RAB20: variants seen among roughly 807,000 people sequenced by gnomAD.
RAB20 encodes the protein ras-related protein Rab-20.
In RAB20, 2 loss-of-function variants were observed where a neutral mutation model predicts 3.7. The observed-to-expected ratio is 0.54, with a 90% CI of 0.22 to 1.69. The LOEUF is 1.69. Ranked by LOEUF, RAB20 falls within the 40% of genes most tolerant of loss-of-function variation. The probability of loss-of-function intolerance (pLI) is 0.19; values close to 1 mark genes in which losing one functional copy is unlikely to be tolerated. For synonymous variants in RAB20, 126 were observed against 130.8 expected, an observed-to-expected ratio of 0.96 and a Z score of 0.25; for missense variants, 276 against 311.9, an observed-to-expected ratio of 0.88 and a Z score of 0.87.
Position 110,538,597 on chromosome 13 carries a change from CAAAAAAAAA to C in RAB20, c.173-14409_173-14401del, listed in dbSNP as rs67409356. Among the ~76,000 whole-genome samples the C allele has an allele frequency of 4.2e-5, 3 of 70,730 alleles. No individual in the cohort carries two copies. In the East Asian group the frequency reaches 1.1e-3, roughly 27 times the overall value. 46.4% of individuals were successfully genotyped at this position (70,730 alleles called of 152,430 possible). A position where few individuals can be genotyped will look rare whatever the true frequency, so the allele number is the denominator to read the frequency against. On this transcript the variant is annotated intron_variant, in intron 1 of 1. Coordinates refer to ENST00000267328, the MANE Select transcript of RAB20 (RefSeq NM_017817.3). ...CTCCAGCCTGGGTGAGATCTTCTCT[CAAAAAAAAA>C]AAAAAAAAAAAAGAAAGAAAAGAAA... is the stretch of plus-strand genomic sequence containing the variant.
intron 1 of RAB20, 126 bp downstream of exon 1, chr13:110,561,222 G>T: frequency 1.6e-6 from 2 of 1,241,590 alleles, no homozygotes; most frequent in Non-Finnish European, 2.1e-6. Context: ...GGGAAACCCC[G>T]AGAAGGAGGC....
intron 1 of RAB20, among the ~76,000 whole-genome samples, chr13:110,532,658 C>T (rs1057330757): frequency 1.4e-5 from 2 of 147,124 alleles, no homozygotes; most frequent in African/African-American, 2.6e-5. Flanking sequence ...ATTACAGGCG[C>T]GAGGCACCAC....
intron 1 of RAB20, among the ~76,000 whole-genome samples, chr13:110,525,837 C>T (rs1477442139): frequency 2.0e-5 from 3 of 152,248 alleles, no homozygotes; most frequent in African/African-American, 7.2e-5. Context: ...ACCTTGGCCC[C>T]CACCTGCCTC....
chr13:110,523,692 C>G lies in RAB20; in HGVS notation c.678G>C (p.Lys226Asn). 6.2e-7 allele frequency: 1 copy of G among 1,614,130 alleles called. No homozygotes were observed. Among genetic ancestry groups the G allele is most frequent in the Non-Finnish European group, 8.5e-7 (1 of 1,179,978 alleles). Residue 226 changes from lysine (K) to asparagine (N), a missense_variant, in exon 2 of 2, where the codon AAG becomes AAC. By Grantham distance (94) the Lys-to-Asn change is moderately conservative. Coordinates refer to ENST00000267328, the MANE Select transcript of RAB20 (RefSeq NM_017817.3). ...TVDISSHKPPKRTRSGCCA is the reference protein window; with the variant it reads ...TVDISSHKPPNRTRSGCCA ...AGGCACAACACCCAGATCTGGTCCT[C>G]TTGGGTGGCTTATGACTGGATATAT... is the stretch of plus-strand genomic sequence containing the variant.
chr13:110,537,629 G>A (rs903438811), intron 1 of RAB20, among the ~76,000 whole-genome samples: 3 of 151,704 alleles, frequency 2.0e-5, no homozygotes, highest in Admixed American at 6.6e-5. Flanking sequence ...CCTCAATCAA[G>A]CAGAAGAACA....
intron 1 of RAB20, among the ~76,000 whole-genome samples, chr13:110,531,717 G>A (rs190185455): frequency 2.0e-5 from 3 of 152,252 alleles, no homozygotes; most frequent in African/African-American, 7.2e-5. Context: ...CCCATGTCCC[G>A]GGTCTCATCA....
intron 1 of RAB20, among the ~76,000 whole-genome samples, chr13:110,549,858 G>A (rs138086609): frequency 6.6e-6 from 1 of 152,226 alleles, no homozygotes; most frequent in East Asian, 1.9e-4. Context: ...TGAGTAGCTG[G>A]GACTACAGGC....
rs1884362631 is a variant in RAB20, at chr13:110,523,283, C to CA, written c.*381dup. On this transcript the variant is annotated 3_prime_UTR_variant, in exon 2 of 2. Coordinates refer to ENST00000267328, the MANE Select transcript of RAB20 (RefSeq NM_017817.3). ...ATGTCAGAGTTGTAGGACGTGGTAA[C>CA]AACCCAGGGTGCTGAAACGGTCAGA... The CA allele has an allele frequency of 2.4e-6, 1 of 423,292 alleles. No individual in the cohort carries two copies. The highest frequency in any genetic ancestry group is 4.2e-6 in the Non-Finnish European group (1 of 240,600). 26.2% of individuals were successfully genotyped at this position (423,292 alleles called of 1,614,324 possible).
Position 110,555,778 on chromosome 13 carries a change from C to T in RAB20, c.172+5570G>A, listed in dbSNP as rs1885028383. Among the ~76,000 whole-genome samples, 1 of 152,210 alleles carries T rather than the reference C, an allele frequency of 6.6e-6. No individual in the cohort carries two copies. Among genetic ancestry groups the T allele is most frequent in the African/African-American group, 2.4e-5 (1 of 41,462 alleles). ...CCCAGGTTGCTGAGCCCTTGGGTGG[C>T]AGATGGCGACTTTTATTCTCACTCT... On this transcript the variant is annotated intron_variant, in intron 1 of 1. Transcript: ENST00000267328. This position sits in a 1 kb window ranked among gnomAD's most constrained non-coding sequence, Gnocchi z 4.0.
intron 1 of RAB20, among the ~76,000 whole-genome samples, chr13:110,544,284 T>C (rs1388403366): frequency 6.6e-6 from 1 of 152,236 alleles, no homozygotes; most frequent in Non-Finnish European, 1.5e-5. Flanking sequence ...TCATGCTGTT[T>C]TGATTACTAT....
chr13:110,551,852 G>A (rs550601705), intron 1 of RAB20, among the ~76,000 whole-genome samples: 45 of 151,058 alleles, frequency 3.0e-4, no homozygotes, highest in Non-Finnish European at 5.9e-4. Context: ...AGAACAAGCA[G>A]GGACGATATC....
intron 1 of RAB20, among the ~76,000 whole-genome samples, chr13:110,525,799 A>G (rs1360835075): frequency 6.6e-6 from 1 of 152,218 alleles, no homozygotes; most frequent in East Asian, 1.9e-4. Flanking sequence ...GCTCTCAGGA[A>G]GCAGCTGTGG....
intron 1 of RAB20, among the ~76,000 whole-genome samples, chr13:110,525,734 C>T (rs1391791890): frequency 6.6e-6 from 1 of 152,226 alleles, no homozygotes; most frequent in Non-Finnish European, 1.5e-5. Flanking sequence ...GGTATGTCCT[C>T]CCAGCCTTGG....
intron 1 of RAB20, among the ~76,000 whole-genome samples, chr13:110,543,901 G>A (rs1469696228): frequency 6.6e-6 from 1 of 150,988 alleles, no homozygotes; most frequent in African/African-American, 2.4e-5. Context: ...TTGGCCTCCT[G>A]AGTAGCAGGA....
intron 1 of RAB20, among the ~76,000 whole-genome samples, chr13:110,539,698 T>C (rs1017075648): frequency 2.5e-4 from 38 of 152,042 alleles, no homozygotes; most frequent in African/African-American, 9.2e-4. Flanking sequence ...TAACCGGGAT[T>C]ACAGGCACCC....
rs1276114074 is a variant in RAB20, at chr13:110,523,683, T to C, written c.687A>G (p.Arg229=). The C allele has an allele frequency of 6.2e-7, 1 of 1,613,884 alleles. No homozygotes were observed. Among genetic ancestry groups the C allele is most frequent in the East Asian group, 2.2e-5 (1 of 44,880 alleles). Residue 229 remains arginine, a synonymous_variant, in exon 2 of 2, where the codon AGA becomes AGG. Coordinates refer to ENST00000267328, the MANE Select transcript of RAB20 (RefSeq NM_017817.3). ...TCGAAAGTCAGGCACAACACCCAGA[T>C]CTGGTCCTCTTGGGTGGCTTATGAC... ...ISSHKPPKRT[R]SGCCA
Position 110,524,101 on chromosome 13 carries a change from T to C in RAB20, c.269A>G (p.Glu90Gly), listed in dbSNP as rs756284506. The C allele has an allele frequency of 3.7e-6, 6 of 1,613,246 alleles. No individual in the cohort carries two copies. The East Asian group carries it at 1.3e-4, about 36-fold the overall frequency. Residue 90 changes from glutamate (E) to glycine (G), a missense_variant, in exon 2 of 2, where the codon GAG (glutamate) becomes GGG (glycine). Glu to Gly is a moderately conservative substitution (Grantham distance 98). Transcript: ENST00000267328. ...CAGGCCCAGGAACCGGTCCTCCAGCTCCACCAGGCTCTGCCGGTGATTCAC... is the reference window on the plus strand; with the variant it reads ...CAGGCCCAGGAACCGGTCCTCCAGCCCCACCAGGCTCTGCCGGTGATTCAC... ...YDVNHRQSLV[E>G]LEDRFLGLTD... is the part of the protein sequence containing the mutation.
intron 1 of RAB20, among the ~76,000 whole-genome samples, chr13:110,538,597 C>CAAAAAAAAAAA (rs67409356): frequency 1.4e-5 from 1 of 70,700 alleles, no homozygotes; most frequent in Non-Finnish European, 2.6e-5. Context: ...GATCTTCTCT[C>CAAAAAAAAAAA]AAAAAAAAAA....
chr13:110,533,185 G>A (rs1884574771), intron 1 of RAB20, among the ~76,000 whole-genome samples: 1 of 152,226 alleles, frequency 6.6e-6, no homozygotes, highest in African/African-American at 2.4e-5. Flanking sequence ...TCCCATCAGA[G>A]ATTGTTCAAA....
Sources: allele counts gnomAD v4.1 joint callset (sites outside exome capture counted in the v4.1 genomes callset), GRCh38; gene constraint gnomAD v4.1.1; non-coding constraint Gnocchi (gnomAD v3.1); transcripts MANE v1.5; gene names NCBI Gene and HGNC (gene_info 2026-07-23, HGNC 2026-07-21).